The following GAS7 variants were observed in gnomAD, a reference collection of about 807,000 sequenced individuals.
GAS7 encodes the protein growth arrest-specific protein 7.
Under a neutral mutation model 71.1 loss-of-function variants are expected in GAS7, and 28 were observed. That is an observed-to-expected ratio of 0.39 (90% confidence interval 0.29 to 0.54). The LOEUF is 0.54. Ranked by LOEUF, GAS7 falls within the 20% of genes least tolerant of loss-of-function variation. The pLI, the probability that GAS7 is intolerant of heterozygous loss-of-function variation, is 0.62. For missense variants in GAS7, 436 were observed against 627.8 expected (o/e 0.69, Z 3.27); for synonymous variants, 258 against 245.8 (o/e 1.05, Z -0.46).
At chr17:9,932,263 C>T (rs1468839652) in intron 9 of GAS7, among the ~76,000 whole-genome samples, 2 of 145,224 alleles carry the variant, frequency 1.4e-5, no homozygotes, top group Non-Finnish European at 3.0e-5. Context: ...GGCGTGAACT[C>T]GGCTCACTGC....
chr17:10,005,086 T>C (rs1439907372), intron 2 of GAS7, among the ~76,000 whole-genome samples: 8 of 150,488 alleles, frequency 5.3e-5, no homozygotes. Context: ...TACATGCGTG[T>C]GTGCACGCAT....
Position 9,917,073 on chromosome 17 carries a change from T to A in GAS7, c.*155A>T, listed in dbSNP as rs1369591469. Reference sequence around the variant, plus strand: ...CTGGGAATATGGGGGAGCCCCCAGCTAGGCTGTCCGGGTCACCCTTCTGGA... The same window carrying A: ...CTGGGAATATGGGGGAGCCCCCAGCAAGGCTGTCCGGGTCACCCTTCTGGA... On this transcript the variant is annotated 3_prime_UTR_variant, in exon 14 of 14. Transcript: ENST00000432992. 1.6e-6 allele frequency: 1 copy of A among 620,062 alleles called. No homozygotes were observed. Among genetic ancestry groups the A allele is most frequent in the East Asian group, 2.7e-5 (1 of 36,500 alleles). 38.4% of individuals were successfully genotyped at this position (620,062 alleles called of 1,614,324 possible). A position where few individuals can be genotyped will look rare whatever the true frequency, so the allele number is the denominator to read the frequency against.
At chr17:9,972,984 G>A (rs1168096948) in intron 3 of GAS7, among the ~76,000 whole-genome samples, 1 of 152,128 alleles carries the variant, frequency 6.6e-6, no homozygotes, top group East Asian at 1.9e-4. Context: ...AAAATAAATG[G>A]ACTAAACATT....
At chr17:10,066,685 T>C (rs2073284764) in intron 1 of GAS7, among the ~76,000 whole-genome samples, 3 of 152,144 alleles carry the variant, frequency 2.0e-5, no homozygotes. Flanking sequence ...TCAAGGTCTA[T>C]TAATTAGGAA....
At position 10,041,710 on chromosome 17, in the gene GAS7, G is replaced by A. The variant is rs553572042; in HGVS notation, c.184-21813C>T. Among the ~76,000 whole-genome samples, 28 of 152,248 alleles carry A rather than the reference G, an allele frequency of 1.8e-4. No individual in the cohort carries two copies. The South Asian group carries it at 3.5e-3, about 19-fold the overall frequency. ...TTATTAACCATCCTTAGTGATTAGC[G>A]TTGGCCGTGAAAAACACGCTACTGG... On this transcript the variant is annotated intron_variant, in intron 1 of 13. Transcript: ENST00000432992.
intron 1 of GAS7, among the ~76,000 whole-genome samples, chr17:10,045,485 T>G (rs2072938247): frequency 6.6e-6 from 1 of 152,148 alleles, no homozygotes; most frequent in South Asian, 2.1e-4. Context: ...TCACCTGAAG[T>G]CAGGAGTTCA....
intron 7 of GAS7, among the ~76,000 whole-genome samples, chr17:9,942,444 A>G (rs1342182170): frequency 6.6e-6 from 1 of 152,084 alleles, no homozygotes; most frequent in African/African-American, 2.4e-5. Context: ...GGAAGGAGAT[A>G]GAGAAGGAAC....
At chr17:10,162,234 G>A (rs1047941723) in intron 1 of GAS7, among the ~76,000 whole-genome samples, 15 of 68 alleles carry the variant, frequency 0.22, no homozygotes, top group Non-Finnish European at 0.29. Context: ...AGCCCGGCCT[G>A]AAGAAGCAGC....
chr17:9,971,457 C>T lies in GAS7; in HGVS notation c.386-1695G>A, dbSNP rs886582392. On this transcript the variant is annotated intron_variant, in intron 3 of 13. Transcript: ENST00000432992. ...GCTCATGTCTGTAGTTCCAGTAACT[C>T]GGGAGGCTGAGGTGGGAGGATAGCT... Among the ~76,000 whole-genome samples, 11 of 151,846 alleles carry T rather than the reference C, an allele frequency of 7.2e-5. No individual in the cohort carries two copies. In the East Asian group the frequency reaches 9.7e-4, roughly 13 times the overall value.
intron 1 of GAS7, among the ~76,000 whole-genome samples, chr17:10,025,566 GCTA>G (rs1481514187): frequency 6.6e-6 from 1 of 151,462 alleles, no homozygotes; most frequent in African/African-American, 2.4e-5. Context: ...CTTAATGGTG[GCTA>G]CTGATTCCTC....
At chr17:10,006,614 C>T (rs989516021) in intron 2 of GAS7, among the ~76,000 whole-genome samples, 5 of 152,120 alleles carry the variant, frequency 3.3e-5, no homozygotes, top group African/African-American at 1.2e-4. Flanking sequence ...CAGGCGCGAG[C>T]CACCGTGCCC....
chr17:10,053,466 A>G (rs1181479564), intron 1 of GAS7, among the ~76,000 whole-genome samples: 1 of 152,184 alleles, frequency 6.6e-6, no homozygotes, highest in Non-Finnish European at 1.5e-5. Flanking sequence ...AAGAACTGGC[A>G]TATTTTCACC....
chr17:9,967,302 G>A (rs978411674), intron 4 of GAS7, among the ~76,000 whole-genome samples: 2 of 151,816 alleles, frequency 1.3e-5, no homozygotes, highest in Non-Finnish European at 2.9e-5. Flanking sequence ...TAGACCAAAG[G>A]TTCTCAACTT....
chr17:10,197,098 T>C lies in GAS7; in HGVS notation c.183+1110A>G, dbSNP rs998400819. 5.3e-5 allele frequency among the ~76,000 whole-genome samples: 8 copies of C among 152,192 alleles called. No homozygotes were observed. The South Asian group carries it at 1.0e-3, about 20-fold the overall frequency. Reference sequence around the variant, plus strand: ...ATGTACTTTTATAAGGCCAGGCTCTTGCTGACAATGTTGCCACAGGATACA... The same window carrying C: ...ATGTACTTTTATAAGGCCAGGCTCTCGCTGACAATGTTGCCACAGGATACA... On this transcript the variant is annotated intron_variant, in intron 1 of 13. Coordinates refer to ENST00000432992, the MANE Select transcript of GAS7 (RefSeq NM_201433.2).
At chr17:10,085,706 A>AAAAAAAAAAAAAGAAAGAAAG (rs1555531934) in intron 1 of GAS7, among the ~76,000 whole-genome samples, 32 of 134,932 alleles carry the variant, frequency 2.4e-4, no homozygotes, top group South Asian at 6.6e-4. Flanking sequence ...AAAAAAAAAA[A>AAAAAAAAAAAAAGAAAGAAAG]AAAGAAAGAA....
intron 1 of GAS7, among the ~76,000 whole-genome samples, chr17:10,027,781 C>G (rs1375820278): frequency 2.6e-5 from 4 of 152,174 alleles, no homozygotes; most frequent in Non-Finnish European, 5.9e-5. Flanking sequence ...GCCTATAATC[C>G]CAGCTACTCA....
chr17:10,105,035 C>A (rs1256737899), intron 1 of GAS7, among the ~76,000 whole-genome samples: 1 of 152,234 alleles, frequency 6.6e-6, no homozygotes, highest in South Asian at 2.1e-4. Flanking sequence ...CCTCACCTTA[C>A]ACTGTTTTCT....
At chr17:9,998,300 T>C (rs1337427521) in intron 2 of GAS7, among the ~76,000 whole-genome samples, 2 of 152,212 alleles carry the variant, frequency 1.3e-5, no homozygotes, top group South Asian at 2.1e-4. Flanking sequence ...GACTCTTCTC[T>C]AAGAACTGCC....
In GAS7 at chr17:9,912,493, C is replaced by G. The variant is rs554775802; in HGVS notation, c.*4735G>C. 8.6e-6 allele frequency: 2 copies of G among 232,842 alleles called. No homozygotes were observed. Among genetic ancestry groups the G allele is most frequent in the Admixed American group, 1.1e-4 (2 of 17,768 alleles). 14.4% of individuals were successfully genotyped at this position (232,842 alleles called of 1,614,324 possible). A position where few individuals can be genotyped will look rare whatever the true frequency, so the allele number is the denominator to read the frequency against. On this transcript the variant is annotated 3_prime_UTR_variant, in exon 14 of 14. Coordinates refer to ENST00000432992, the MANE Select transcript of GAS7 (RefSeq NM_201433.2). ...TCTGCTCGCCTTTCAAAGCCTCCAA[C>G]GCCCAATACATAGCCAAGGACCGTG...
Sources: gnomAD v4.1 joint callset for allele counts (sites outside exome capture counted in the v4.1 genomes callset) on GRCh38, gnomAD v4.1.1 for gene constraint, MANE v1.5 for transcripts, NCBI Gene and HGNC (gene_info 2026-07-23, HGNC 2026-07-21) for gene names.